WARS2: variants seen among roughly 807,000 people sequenced by gnomAD.
WARS2 encodes tryptophanyl tRNA synthetase 2, mitochondrial.
WARS2 carries 28 observed loss-of-function variants against 36.5 expected under a neutral mutation model. That is an observed-to-expected ratio of 0.77 (90% CI 0.57 to 1.05). The LOEUF (loss-of-function observed/expected upper bound fraction) is 1.05. Ranked by LOEUF, WARS2 falls within the 50% of genes least tolerant of loss-of-function variation. The probability of loss-of-function intolerance (pLI) is 0.00; values close to 1 mark genes in which losing one functional copy is unlikely to be tolerated. For synonymous variants in WARS2, 174 were observed against 178.4 expected, an observed-to-expected ratio of 0.98 and a Z score of 0.20; for missense variants, 435 against 456.8, an observed-to-expected ratio of 0.95 and a Z score of 0.44.
At chr1:119,120,120 G>T (rs932625786) in intron 1 of WARS2, among the ~76,000 whole-genome samples, 1 of 151,964 alleles carries the variant, frequency 6.6e-6, no homozygotes, top group African/African-American at 2.4e-5. Context: ...GAAACAAAAA[G>T]CTGGTTCTTT....
chr1:119,105,669 T>C (rs1390698328), intron 1 of WARS2, among the ~76,000 whole-genome samples: 1 of 152,186 alleles, frequency 6.6e-6, no homozygotes, highest in Non-Finnish European at 1.5e-5. Flanking sequence ...CTCAGCACTT[T>C]GGGAGGCCTA....
chr1:119,043,052 T>C (rs923343811), intron 3 of WARS2, among the ~76,000 whole-genome samples: 2 of 151,622 alleles, frequency 1.3e-5, no homozygotes, highest in African/African-American at 2.4e-5. Flanking sequence ...ATTTAATAAC[T>C]GGGGGGGGCA....
chr1:119,065,865 G>A (rs573124393), intron 2 of WARS2, among the ~76,000 whole-genome samples: 64 of 152,172 alleles, frequency 4.2e-4, no homozygotes, highest in African/African-American at 1.4e-3. Flanking sequence ...ATCATTATGC[G>A]TTAGACAGCT....
chr1:119,107,210 T>G (rs776969317), intron 1 of WARS2, among the ~76,000 whole-genome samples: 4 of 152,158 alleles, frequency 2.6e-5, no homozygotes, highest in Non-Finnish European at 5.9e-5. Flanking sequence ...TAACAGTCCT[T>G]TATCAGATTT....
chr1:119,090,638 C>T (rs188108712), intron 1 of WARS2, among the ~76,000 whole-genome samples: 3 of 152,066 alleles, frequency 2.0e-5, no homozygotes, highest in East Asian at 1.9e-4. Context: ...TTTGGGAGGC[C>T]GATGTGGGAG....
chr1:119,094,501 CAAGTA>C (rs1653278307), intron 1 of WARS2, among the ~76,000 whole-genome samples: 1 of 151,012 alleles, frequency 6.6e-6, no homozygotes, highest in African/African-American at 2.4e-5. Context: ...TTTAAAAAAA[CAAGTA>C]AATATGTCTT....
chr1:119,114,437 T>C (rs1011890176), intron 1 of WARS2, among the ~76,000 whole-genome samples: 2 of 152,158 alleles, frequency 1.3e-5, no homozygotes, highest in African/African-American at 4.8e-5. Flanking sequence ...AAGAAAATAA[T>C]AACAAGAAAG....
chr1:119,117,945 A>C (rs188848605), intron 1 of WARS2, among the ~76,000 whole-genome samples: 1 of 152,186 alleles, frequency 6.6e-6, no homozygotes, highest in Non-Finnish European at 1.5e-5. Flanking sequence ...CTTGAGTTCC[A>C]TATCTTTCCA....
intron 1 of WARS2, among the ~76,000 whole-genome samples, chr1:119,107,712 C>T (rs973467304): frequency 6.6e-6 from 1 of 151,640 alleles, no homozygotes; most frequent in African/African-American, 2.4e-5. Flanking sequence ...GTTAGGATTT[C>T]CAGCACAATG....
chr1:119,137,483 C>T (rs930642388), intron 1 of WARS2, among the ~76,000 whole-genome samples: 7 of 152,144 alleles, frequency 4.6e-5, no homozygotes, highest in African/African-American at 1.7e-4. Context: ...AAAATGTGGA[C>T]ACTTTATCAT....
chr1:119,062,025 G>T (rs1345945401), intron 2 of WARS2, among the ~76,000 whole-genome samples: 1 of 152,108 alleles, frequency 6.6e-6, no homozygotes, highest in Non-Finnish European at 1.5e-5. Context: ...TGACCCCAAG[G>T]TCTATATATG....
At chr1:119,134,038 G>C (rs1656289657) in intron 1 of WARS2, among the ~76,000 whole-genome samples, 1 of 151,882 alleles carries the variant, frequency 6.6e-6, no homozygotes. Flanking sequence ...CAAGGTAAAT[G>C]TTATTTTATT....
Position 119,098,897 on chromosome 1 carries a change from C to T in WARS2, c.91-22290G>A, listed in dbSNP as rs587678279. 7.2e-5 allele frequency among the ~76,000 whole-genome samples: 11 copies of T among 151,788 alleles called. No individual in the cohort carries two copies. The East Asian group carries it at 1.8e-3, about 24-fold the overall frequency. On this transcript the variant is annotated intron_variant, in intron 1 of 5. Coordinates refer to ENST00000235521, the MANE Select transcript of WARS2 (RefSeq NM_015836.4). Reference sequence around the variant, plus strand: ...GATTACAGATGCATGCCACCATGCCCGGCTAATTTTTGTATTTTTAGTAGA... The same window carrying T: ...GATTACAGATGCATGCCACCATGCCTGGCTAATTTTTGTATTTTTAGTAGA...
chr1:119,124,404 C>T lies in WARS2; in HGVS notation c.90+16151G>A, dbSNP rs749859395. On this transcript the variant is annotated intron_variant, in intron 1 of 5. Coordinates refer to ENST00000235521, the MANE Select transcript of WARS2 (RefSeq NM_015836.4). Reference sequence around the variant, plus strand: ...ACTTGGAATGCTGAGGCAGGAGAATCGCTTGAACCCAGGAAGTGGAGGTTG... The same window carrying T: ...ACTTGGAATGCTGAGGCAGGAGAATTGCTTGAACCCAGGAAGTGGAGGTTG... Among the ~76,000 whole-genome samples the T allele has an allele frequency of 3.3e-5, 5 of 152,128 alleles. No individual in the cohort carries two copies. In the East Asian group the frequency reaches 7.8e-4, roughly 24 times the overall value.
chr1:119,074,922 A>G (rs1052411005), intron 2 of WARS2, among the ~76,000 whole-genome samples: 1 of 152,200 alleles, frequency 6.6e-6, no homozygotes, highest in Non-Finnish European at 1.5e-5. Flanking sequence ...GTTCTCACTT[A>G]TAAGTGGGAA....
chr1:119,121,707 G>A (rs1027897488), intron 1 of WARS2, among the ~76,000 whole-genome samples: 6 of 152,100 alleles, frequency 3.9e-5, no homozygotes, highest in African/African-American at 1.4e-4. Context: ...GTAGTACAAT[G>A]GAAAGGAATA....
At chr1:119,084,420 A>G (rs937274496) in intron 1 of WARS2, among the ~76,000 whole-genome samples, 6 of 152,202 alleles carry the variant, frequency 3.9e-5, no homozygotes, top group African/African-American at 1.4e-4. Flanking sequence ...TCCCTTTAAA[A>G]TGGTTAACTT....
chr1:119,129,130 T>C (rs1387757861), intron 1 of WARS2, among the ~76,000 whole-genome samples: 1 of 152,126 alleles, frequency 6.6e-6, no homozygotes, highest in Admixed American at 6.5e-5. Context: ...AATGTTTGTG[T>C]CCTCCCAAAA....
At chr1:119,095,039 A>G (rs1314702126) in intron 1 of WARS2, among the ~76,000 whole-genome samples, 3 of 152,174 alleles carry the variant, frequency 2.0e-5, no homozygotes, top group Non-Finnish European at 4.4e-5. Context: ...TATACAGATT[A>G]ATTTTCTTTT....
Sources: allele counts gnomAD v4.1 joint callset (sites outside exome capture counted in the v4.1 genomes callset), GRCh38; gene constraint gnomAD v4.1.1; transcripts MANE v1.5; gene names NCBI Gene and HGNC (gene_info 2026-07-23, HGNC 2026-07-21).